Variants in SMIM8 observed in about 807,000 individuals in gnomAD.
SMIM8 encodes the protein small integral membrane protein 8.
Under a neutral mutation model 8.1 loss-of-function variants are expected in SMIM8, and 8 were observed. The observed-to-expected ratio is 0.99, with a 90% CI of 0.58 to 1.78. The LOEUF is 1.78. Among genes scored for constraint, SMIM8 ranks in the 40% most tolerant of loss-of-function variants. SMIM8 has a pLI of 0.00. For synonymous variants in SMIM8, 45 were observed against 39.7 expected (o/e 1.13, Z -0.50); for missense variants, 126 against 119.8 (o/e 1.05, Z -0.24).
chr6:87,336,940 T>A, intron 2 of SMIM8, 69 bp from the exon 3 acceptor site: 4 of 1,293,736 alleles, frequency 3.1e-6, no homozygotes, highest in Non-Finnish European at 3.1e-6. Flanking sequence ...AATTTAAGAA[T>A]TACTTTTTAA....
chr6:87,333,827 C>T (rs1452551328), intron 2 of SMIM8, among the ~76,000 whole-genome samples: 2 of 152,136 alleles, frequency 1.3e-5, no homozygotes, highest in Non-Finnish European at 2.9e-5. Flanking sequence ...GGATTTTTGC[C>T]AACCTTAGGA....
At position 87,341,093 on chromosome 6, in the gene SMIM8, C is replaced by T. The variant is rs1324283729; in HGVS notation, c.*819C>T. The T allele has an allele frequency of 2.6e-6, 1 of 390,830 alleles. No individual in the cohort carries two copies. Among genetic ancestry groups the T allele is most frequent in the African/African-American group, 2.1e-5 (1 of 48,358 alleles). The allele number at this position is 390,830 out of a possible 1,614,324, so 24.2% of individuals were successfully genotyped here. ...TTACTGTAATGTTATAAACATAAGACCAAGTGTTCTTATAGTTATTTAAAA... is the reference window on the plus strand; with the variant it reads ...TTACTGTAATGTTATAAACATAAGATCAAGTGTTCTTATAGTTATTTAAAA... On this transcript the variant is annotated 3_prime_UTR_variant, in exon 4 of 4. Transcript: ENST00000392863.
chr6:87,326,919 A>T (rs1776836703), intron 1 of SMIM8, among the ~76,000 whole-genome samples: 1 of 106,722 alleles, frequency 9.4e-6, no homozygotes, highest in African/African-American at 4.1e-5. Context: ...TTTGTAGGTC[A>T]CTCAGGACTT....
At chr6:87,323,595 GA>G (rs1364222023) in intron 1 of SMIM8, among the ~76,000 whole-genome samples, 5 of 152,148 alleles carry the variant, frequency 3.3e-5, no homozygotes, top group South Asian at 2.1e-4. Flanking sequence ...CCCTACAAAG[GA>G]CATGAACTCA....
chr6:87,341,328 G>A lies in SMIM8; in HGVS notation c.*1054G>A, dbSNP rs1052760620. The A allele has an allele frequency of 1.5e-5, 6 of 398,422 alleles. No individual in the cohort carries two copies. Among genetic ancestry groups the A allele is most frequent in the Non-Finnish European group, 2.7e-5 (6 of 226,030 alleles). The allele number at this position is 398,422 out of a possible 1,614,324, so 24.7% of individuals were successfully genotyped here. ...GAGTGTAAACAAAGCCTAGCCCTAC[G>A]GTCAGTACCCACTGGAGGTGAGAAG... On this transcript the variant is annotated 3_prime_UTR_variant, in exon 4 of 4. Transcript: ENST00000392863.
chr6:87,334,560 T>C (rs1264420883), intron 2 of SMIM8, among the ~76,000 whole-genome samples: 1 of 152,090 alleles, frequency 6.6e-6, no homozygotes, highest in Non-Finnish European at 1.5e-5. Flanking sequence ...TACCTCTTCC[T>C]CCCAAAATAG....
chr6:87,328,929 A>G (rs1367802482), intron 1 of SMIM8, among the ~76,000 whole-genome samples: 5 of 151,952 alleles, frequency 3.3e-5, no homozygotes, highest in African/African-American at 4.8e-5. Context: ...GACCCTCCGA[A>G]CCACGTGCGG....
intron 3 of SMIM8, 24 bp downstream of exon 3, chr6:87,337,190 A>C: frequency 6.4e-7 from 1 of 1,570,604 alleles, no homozygotes; most frequent in South Asian, 1.2e-5. Flanking sequence ...CCAGGATAAG[A>C]CTTTGTGTTT....
intron 1 of SMIM8, among the ~76,000 whole-genome samples, chr6:87,328,822 TG>T (rs1776912457): frequency 6.6e-6 from 1 of 152,218 alleles, no homozygotes; most frequent in Non-Finnish European, 1.5e-5. Context: ...TAAGCAAGCC[TG>T]GGCAATGGCG....
chr6:87,337,035 T>A lies in SMIM8; in HGVS notation c.4T>A (p.Ser2Thr), dbSNP rs764408240. 49 of 1,598,142 alleles carry A rather than the reference T, an allele frequency of 3.1e-5. No homozygotes were observed. Among genetic ancestry groups the A allele is most frequent in the Non-Finnish European group, 3.7e-5 (44 of 1,174,426 alleles). Residue 2 changes from serine to threonine, a missense_variant, in exon 3 of 4, where the codon TCT becomes ACT. Transcript: ENST00000392863. MSSAPEPPTFKK... is the reference protein window; with the variant it reads MTSAPEPPTFKK... ...TAATAAATCATCATTGATCAAGATG[T>A]CTTCAGCACCTGAGCCTCCAACATT... is the stretch of plus-strand genomic sequence containing the variant.
chr6:87,331,013 C>G (rs1776983904), intron 2 of SMIM8: 1 of 152,060 alleles, frequency 6.6e-6, no homozygotes, highest in Non-Finnish European at 1.5e-5. Context: ...TGCCAGGTTC[C>G]CAGCATCCTT....
intron 3 of SMIM8, among the ~76,000 whole-genome samples, chr6:87,338,919 T>C (rs1777164449): frequency 6.7e-6 from 1 of 149,770 alleles, no homozygotes; most frequent in South Asian, 2.1e-4. Flanking sequence ...TTTTTTTTTT[T>C]TTTTTTTGAC....
chr6:87,327,786 A>C (rs1776865995), intron 1 of SMIM8, among the ~76,000 whole-genome samples: 1 of 147,002 alleles, frequency 6.8e-6, no homozygotes, highest in Admixed American at 6.8e-5. Flanking sequence ...TATTTCCTGA[A>C]TCTGAATGTT....
intron 1 of SMIM8, among the ~76,000 whole-genome samples, chr6:87,323,343 A>G (rs1314665184): frequency 6.6e-6 from 1 of 152,118 alleles, no homozygotes; most frequent in African/African-American, 2.4e-5. Flanking sequence ...TTACATATGT[A>G]TACATGTGCC....
rs878908035 is a variant in SMIM8, at chr6:87,334,687, A to T, written c.-23-2322A>T. Among the ~76,000 whole-genome samples the T allele has an allele frequency of 5.3e-5, 8 of 152,358 alleles. No homozygotes were observed. The South Asian group carries it at 1.7e-3, about 32-fold the overall frequency. On this transcript the variant is annotated intron_variant, in intron 2 of 3. Transcript: ENST00000392863. ...ATGCCAAAGGTAGACTTTGCAAAGGAAATAAACAGATTGATGATTGGTGTT... is the reference window on the plus strand; with the variant it reads ...ATGCCAAAGGTAGACTTTGCAAAGGTAATAAACAGATTGATGATTGGTGTT...
At chr6:87,328,817 A>G (rs1468322265) in intron 1 of SMIM8, among the ~76,000 whole-genome samples, 1 of 152,210 alleles carries the variant, frequency 6.6e-6, no homozygotes, top group Non-Finnish European at 1.5e-5. Context: ...TTACCTAAGC[A>G]AGCCTGGGCA....
intron 1 of SMIM8, 156 bp downstream of exon 1, chr6:87,322,788 C>T (rs1420705189): frequency 6.6e-6 from 1 of 152,142 alleles, no homozygotes; most frequent in Non-Finnish European, 1.5e-5. Flanking sequence ...AAATCTTTGC[C>T]TCTCCGTGGA....
Position 87,337,160 on chromosome 6 carries a change from TA to T in SMIM8, c.132del (p.Lys44AsnfsTer6). On this transcript the variant is annotated frameshift_variant, in exon 3 of 4. Transcript: ENST00000392863. LOFTEE classifies it high-confidence loss of function. Reference sequence around the variant, plus strand: ...GTGCTGTGAATCCAGAGCTCTTCATTAAACCTGTAAGAAATACATCCAGGAT... The same window carrying T: ...GTGCTGTGAATCCAGAGCTCTTCATTAACCTGTAAGAAATACATCCAGGAT... ...FRAVNPELFI[K>X]PNKPVMAFGL... The T allele has an allele frequency of 6.2e-7, 1 of 1,609,126 alleles. No homozygotes were observed. Among genetic ancestry groups the T allele is most frequent in the East Asian group, 2.2e-5 (1 of 44,802 alleles).
chr6:87,336,559 G>A (rs1335339841), intron 2 of SMIM8, among the ~76,000 whole-genome samples: 2 of 152,158 alleles, frequency 1.3e-5, no homozygotes, highest in African/African-American at 2.4e-5. Flanking sequence ...GAGTGAATCT[G>A]TAGGAGAAGA....
Sources: allele counts gnomAD v4.1 joint callset (sites outside exome capture counted in the v4.1 genomes callset), GRCh38; gene constraint gnomAD v4.1.1; transcripts MANE v1.5; gene names NCBI Gene and HGNC (gene_info 2026-07-23, HGNC 2026-07-21).